Variants in VWA3B observed in about 807,000 individuals in gnomAD.
VWA3B encodes von Willebrand factor A domain-containing protein 3B.
A neutral mutation model predicts 158.3 loss-of-function variants in VWA3B; 138 were observed. The ratio of observed to expected loss-of-function variants is 0.87; its 90% CI spans 0.76 to 1.00. The LOEUF (loss-of-function observed/expected upper bound fraction) is 1.00. Ranked by LOEUF, VWA3B falls within the 50% of genes least tolerant of loss-of-function variation. The pLI, the probability that VWA3B is intolerant of heterozygous loss-of-function variation, is 0.00. For synonymous variants in VWA3B, 596 were observed against 587.3 expected (o/e 1.01, Z -0.21); for missense variants, 1,555 against 1,565.1 (o/e 0.99, Z 0.11).
intron 3 of VWA3B, among the ~76,000 whole-genome samples, chr2:98,117,986 C>T (rs1439394716): frequency 2.6e-5 from 4 of 152,122 alleles, no homozygotes; most frequent in Non-Finnish European, 2.9e-5. Context: ...ATTCACTCAC[C>T]TTGGCCTCTC....
At chr2:98,153,004 C>T (rs1368967201) in intron 7 of VWA3B, among the ~76,000 whole-genome samples, 5 of 152,206 alleles carry the variant, frequency 3.3e-5, no homozygotes, top group African/African-American at 1.2e-4. Flanking sequence ...GGTAGACCAG[C>T]GTTGGACGAC....
chr2:98,189,105 T>A (rs2105398122), intron 10 of VWA3B, among the ~76,000 whole-genome samples: 1 of 152,316 alleles, frequency 6.6e-6, no homozygotes, highest in South Asian at 2.1e-4. Flanking sequence ...GACTAAAGGG[T>A]TATTTAGAAA....
At chr2:98,142,026 C>T (rs1039434547) in intron 7 of VWA3B, among the ~76,000 whole-genome samples, 1 of 152,160 alleles carries the variant, frequency 6.6e-6, no homozygotes, top group African/African-American at 2.4e-5. Flanking sequence ...ATTCCAGTCT[C>T]CTCTCCTCTG....
chr2:98,278,842 C>T (rs1214718771), intron 22 of VWA3B, among the ~76,000 whole-genome samples: 1 of 152,158 alleles, frequency 6.6e-6, no homozygotes, highest in African/African-American at 2.4e-5. Flanking sequence ...GTGGGGCCCT[C>T]ACTGGGGACT....
At chr2:98,097,062 T>C (rs1682765758) in intron 2 of VWA3B, among the ~76,000 whole-genome samples, 1 of 152,136 alleles carries the variant, frequency 6.6e-6, no homozygotes, top group Non-Finnish European at 1.5e-5. Flanking sequence ...TATTTCCATT[T>C]TCATTTGTCT....
At chr2:98,250,049 C>T (rs574813887) in intron 19 of VWA3B, among the ~76,000 whole-genome samples, 9 of 152,042 alleles carry the variant, frequency 5.9e-5, no homozygotes, top group East Asian at 3.9e-4. Flanking sequence ...ACAGTTTTGG[C>T]GGTGGTTGTT....
At chr2:98,139,981 C>T (rs796244919) in intron 7 of VWA3B, among the ~76,000 whole-genome samples, 14 of 152,194 alleles carry the variant, frequency 9.2e-5, no homozygotes, top group African/African-American at 3.1e-4. Flanking sequence ...CTCCTGAAGC[C>T]AGCGAGACCA....
intron 19 of VWA3B, among the ~76,000 whole-genome samples, chr2:98,238,028 C>G (rs1188054716): frequency 6.6e-6 from 1 of 152,134 alleles, no homozygotes; most frequent in African/African-American, 2.4e-5. Flanking sequence ...AGATCAAAGG[C>G]AGGAGAAAGT....
chr2:98,251,972 T>G (rs1686826070), intron 20 of VWA3B, among the ~76,000 whole-genome samples: 2 of 152,140 alleles, frequency 1.3e-5, no homozygotes, highest in Non-Finnish European at 2.9e-5. Flanking sequence ...GGATGAGCTA[T>G]TCAAGGCTCA....
At chr2:98,285,246 T>C (rs181668777) in intron 22 of VWA3B, among the ~76,000 whole-genome samples, 164 of 152,302 alleles carry the variant, frequency 1.1e-3, no homozygotes, top group Non-Finnish European at 2.1e-3. Flanking sequence ...TTTGTCTCTA[T>C]ATATTTGCCT....
In VWA3B at chr2:98,312,182, T is replaced by C; in HGVS notation, c.3736-18T>C. On this transcript the variant is annotated intron_variant, in intron 27 of 27. Coordinates refer to ENST00000477737, the MANE Select transcript of VWA3B (RefSeq NM_144992.5). ...AGACCCTAACATCCTTAAGTAATGC[T>C]GAACTCTGCTTCCCCAGACAGCCCA... is the stretch of plus-strand genomic sequence containing the variant. 8 of 1,614,204 alleles carry C rather than the reference T, an allele frequency of 5.0e-6. No individual in the cohort carries two copies. The highest frequency in any genetic ancestry group is 6.8e-6 in the Non-Finnish European group (8 of 1,180,054).
chr2:98,288,156 T>A (rs1689274819), intron 22 of VWA3B, among the ~76,000 whole-genome samples: 1 of 152,168 alleles, frequency 6.6e-6, no homozygotes, highest in Admixed American at 6.6e-5. Flanking sequence ...TGAGAATTGG[T>A]CATATTTGCT....
intron 22 of VWA3B, among the ~76,000 whole-genome samples, chr2:98,271,463 T>C (rs1051787129): frequency 2.9e-4 from 44 of 152,204 alleles, no homozygotes; most frequent in African/African-American, 1.1e-3. Flanking sequence ...GTTTTTTTTC[T>C]CCTCAAATGT....
chr2:98,128,535 T>A, intron 6 of VWA3B, 127 bp downstream of exon 6: 1 of 917,702 alleles, frequency 1.1e-6, no homozygotes, highest in Non-Finnish European at 1.6e-6. Context: ...TCCAGTATAT[T>A]ATTTAGTCTC....
chr2:98,165,913 C>T (rs918480031), intron 8 of VWA3B, among the ~76,000 whole-genome samples: 22 of 152,110 alleles, frequency 1.4e-4, no homozygotes, highest in Admixed American at 6.5e-5. Context: ...CACCTCCGCC[C>T]GGCAAAGAGA....
At chr2:98,206,598 C>A in intron 12 of VWA3B, 1 of 451,470 alleles carries the variant, frequency 2.2e-6, no homozygotes, top group South Asian at 2.0e-5. Flanking sequence ...ATTGGAGAGC[C>A]TATTGATGAA....
intron 19 of VWA3B, among the ~76,000 whole-genome samples, chr2:98,246,697 A>T (rs1293310046): frequency 6.6e-6 from 1 of 151,986 alleles, no homozygotes. Context: ...TAATATTCCT[A>T]ATACAAAAGC....
Position 98,234,748 on chromosome 2 carries a change from G to A in VWA3B, c.2409G>A (p.Arg803=), listed in dbSNP as rs895732221. The A allele has an allele frequency of 5.6e-6, 9 of 1,614,052 alleles. No homozygotes were observed. Among genetic ancestry groups the A allele is most frequent in the African/African-American group, 5.3e-5 (4 of 74,934 alleles). Residue 803 remains arginine, a synonymous_variant, in exon 17 of 28, where the codon AGG becomes AGA. Coordinates refer to ENST00000477737, the MANE Select transcript of VWA3B (RefSeq NM_144992.5). ...KDGLSNASSR[R]TALSDKEMSI... is the part of the protein sequence containing the mutation. ...GCCTCTCCAATGCCAGCAGCCGGAG[G>A]ACTGCTCTAAGTGACAAAGGCAAGC...
intron 20 of VWA3B, among the ~76,000 whole-genome samples, chr2:98,252,628 C>G (rs1005173360): frequency 6.6e-6 from 1 of 152,094 alleles, no homozygotes; most frequent in Non-Finnish European, 1.5e-5. Flanking sequence ...TAAAGAGGAA[C>G]TGATGTTCAT....
Sources: allele counts gnomAD v4.1 joint callset (sites outside exome capture counted in the v4.1 genomes callset), GRCh38; gene constraint gnomAD v4.1.1; transcripts MANE v1.5; gene names NCBI Gene and HGNC (gene_info 2026-07-23, HGNC 2026-07-21).